The following RNGTT variants were observed in gnomAD, a reference collection of about 807,000 sequenced individuals.
RNGTT encodes RNA guanylyltransferase and 5'-phosphatase, also known as mRNA-capping enzyme.
Under a neutral mutation model 79.3 loss-of-function variants are expected in RNGTT, and 33 were observed. The ratio of observed to expected loss-of-function variants is 0.42; its 90% confidence interval spans 0.32 to 0.56. RNGTT has a LOEUF of 0.56. RNGTT is among the 20% of genes least tolerant of loss of function. RNGTT has a pLI of 0.17. For missense variants in RNGTT, 497 were observed against 739.1 expected (o/e 0.67, Z 3.80); for synonymous variants, 222 against 235.9 (o/e 0.94, Z 0.54).
At chr6:88,852,473 G>A (rs1316788557) in intron 9 of RNGTT, among the ~76,000 whole-genome samples, 2 of 151,956 alleles carry the variant, frequency 1.3e-5, no homozygotes, top group African/African-American at 2.4e-5. Flanking sequence ...AAATGACTAT[G>A]ACTTTTATGT....
intron 11 of RNGTT, among the ~76,000 whole-genome samples, chr6:88,827,695 G>A (rs1175277867): frequency 6.6e-6 from 1 of 152,182 alleles, no homozygotes; most frequent in East Asian, 1.9e-4. Context: ...GGATGCTGGA[G>A]CTTGGTGGGG....
At chr6:88,913,228 A>AAAC (rs1783892371) in intron 4 of RNGTT, among the ~76,000 whole-genome samples, 2 of 129,786 alleles carry the variant, frequency 1.5e-5, no homozygotes, top group African/African-American at 6.0e-5. Context: ...AAAAAAAAAC[A>AAAC]AAAAAAAAAA....
chr6:88,733,178 T>C (rs1229675818), intron 13 of RNGTT, among the ~76,000 whole-genome samples: 1 of 151,968 alleles, frequency 6.6e-6, no homozygotes, highest in Non-Finnish European at 1.5e-5. Context: ...CTGGGCAACA[T>C]GGCAAAACCC....
chr6:88,746,288 C>T (rs1777655593), intron 13 of RNGTT, among the ~76,000 whole-genome samples: 1 of 152,160 alleles, frequency 6.6e-6, no homozygotes, highest in Admixed American at 6.5e-5. Flanking sequence ...CCCCTCTTAC[C>T]CAGTTTTCAG....
At chr6:88,689,972 AC>A (rs1157469155) in intron 13 of RNGTT, among the ~76,000 whole-genome samples, 1 of 151,910 alleles carries the variant, frequency 6.6e-6, no homozygotes, top group Non-Finnish European at 1.5e-5. Flanking sequence ...TTATCAACAC[AC>A]CCCCTTCACT....
Position 88,963,578 on chromosome 6 carries a change from A to G in RNGTT, c.-169T>C. The G allele has an allele frequency of 1.7e-6, 1 of 576,140 alleles. No individual in the cohort carries two copies. Among genetic ancestry groups the G allele is most frequent in the South Asian group, 2.4e-5 (1 of 42,200 alleles). 35.7% of individuals were successfully genotyped at this position (576,140 alleles called of 1,614,324 possible). ...ACGTCAGGGGCGGCGCGCCACTTTC[A>G]TTCAGGATCAACTCCACAGCTCCAG... On this transcript the variant is annotated 5_prime_UTR_variant, in exon 1 of 16. An upstream start codon of the reference 5' UTR is lost. Coordinates refer to ENST00000369485, the MANE Select transcript of RNGTT (RefSeq NM_003800.5).
intron 1 of RNGTT, among the ~76,000 whole-genome samples, chr6:88,941,506 A>G (rs1274511596): frequency 6.6e-6 from 1 of 152,122 alleles, no homozygotes; most frequent in Non-Finnish European, 1.5e-5. Flanking sequence ...GGGCTCAAGC[A>G]ATCCACCCAC....
chr6:88,743,687 T>C (rs943061488), intron 13 of RNGTT, among the ~76,000 whole-genome samples: 1 of 152,240 alleles, frequency 6.6e-6, no homozygotes, highest in African/African-American at 2.4e-5. Flanking sequence ...TTCTATTGTA[T>C]GTATATACCA....
chr6:88,773,337 G>A (rs1404422099), intron 12 of RNGTT, among the ~76,000 whole-genome samples: 3 of 113,746 alleles, frequency 2.6e-5, no homozygotes, highest in Non-Finnish European at 3.6e-5. Flanking sequence ...GGGGGAGGGG[G>A]GAGGGATAGC....
intron 13 of RNGTT, among the ~76,000 whole-genome samples, chr6:88,764,995 A>T (rs1778407655): frequency 6.6e-6 from 1 of 152,094 alleles, no homozygotes; most frequent in Non-Finnish European, 1.5e-5. Context: ...GATCGAGACC[A>T]TCCTGGCTAA....
chr6:88,756,902 G>C (rs886928755), intron 13 of RNGTT, among the ~76,000 whole-genome samples: 1 of 152,098 alleles, frequency 6.6e-6, no homozygotes, highest in Non-Finnish European at 1.5e-5. Flanking sequence ...GGAGAGTGAA[G>C]GTTATTAGCT....
chr6:88,868,472 T>C (rs1031418184), intron 8 of RNGTT, among the ~76,000 whole-genome samples: 1 of 152,198 alleles, frequency 6.6e-6, no homozygotes, highest in Admixed American at 6.5e-5. Context: ...TTTATATCAA[T>C]TATTAATCAG....
At chr6:88,934,635 C>CA in intron 2 of RNGTT, among the ~76,000 whole-genome samples, 1 of 152,106 alleles carries the variant, frequency 6.6e-6, no homozygotes, top group African/African-American at 2.4e-5. Context: ...CTTTGCTGTG[C>CA]AGAAGCTTTT....
At chr6:88,765,527 G>A (rs1778430921) in intron 13 of RNGTT, among the ~76,000 whole-genome samples, 2 of 152,176 alleles carry the variant, frequency 1.3e-5, no homozygotes, top group African/African-American at 4.8e-5. Flanking sequence ...TTCTATAAAG[G>A]CAGACTTATA....
At chr6:88,957,215 T>TAATAAAATAATAGA (rs1785463731) in intron 1 of RNGTT, among the ~76,000 whole-genome samples, 1 of 152,090 alleles carries the variant, frequency 6.6e-6, no homozygotes, top group Non-Finnish European at 1.5e-5. Flanking sequence ...AATAGAGCCA[T>TAATAAAATAATAGA]ACCTCAACAT....
chr6:88,693,479 C>T (rs914660586), intron 13 of RNGTT, among the ~76,000 whole-genome samples: 1 of 151,988 alleles, frequency 6.6e-6, no homozygotes. Flanking sequence ...AATAAAAAGT[C>T]TCTCATCAAA....
At chr6:88,781,704 C>T (rs1308338283) in intron 12 of RNGTT, among the ~76,000 whole-genome samples, 1 of 152,094 alleles carries the variant, frequency 6.6e-6, no homozygotes, top group East Asian at 1.9e-4. Flanking sequence ...CATTAGTACC[C>T]TAAAGGCAGC....
Position 88,678,399 on chromosome 6 carries a change from C to A in RNGTT, c.1460G>T (p.Gly487Val). Reference sequence around the variant, plus strand: ...TTCATAACCTCCAACATACAGGAGGCCAACATTCTGAGGAAGTAACCTACA... The same window carrying A: ...TTCATAACCTCCAACATACAGGAGGACAACATTCTGAGGAAGTAACCTACA... ...GGEGLLPQNVGLLYVGGYERP... is the reference protein window; with the variant it reads ...GGEGLLPQNVVLLYVGGYERP... The change falls in exon 14 of 16, where the codon GGC becomes GTC. Residue 487 changes from glycine (G) to valine (V), a missense_variant. Transcript: ENST00000369485. 1.4e-6 allele frequency: 2 copies of A among 1,435,698 alleles called. No homozygotes were observed. The highest frequency in any genetic ancestry group is 1.7e-5 in the South Asian group (1 of 57,756). The allele number at this position is 1,435,698 out of a possible 1,614,324, so 88.9% of individuals were successfully genotyped here. A position where few individuals can be genotyped will look rare whatever the true frequency, so the allele number is the denominator to read the frequency against.
At chr6:88,680,943 G>A (rs553429360) in intron 13 of RNGTT, among the ~76,000 whole-genome samples, 8 of 152,198 alleles carry the variant, frequency 5.3e-5, no homozygotes, top group African/African-American at 1.9e-4. Context: ...ATTCAAATAG[G>A]AAATGTCCCC....
Sources: allele counts gnomAD v4.1 joint callset (sites outside exome capture counted in the v4.1 genomes callset), GRCh38; gene constraint gnomAD v4.1.1; transcripts MANE v1.5; gene names NCBI Gene and HGNC (gene_info 2026-07-23, HGNC 2026-07-21).